Variants in PDE10A observed in about 807,000 individuals in gnomAD.
PDE10A encodes cAMP and cAMP-inhibited cGMP 3',5'-cyclic phosphodiesterase 10A.
In PDE10A, 39 loss-of-function variants were observed where a neutral mutation model predicts 97.7. That is an observed-to-expected ratio of 0.40 (90% CI 0.31 to 0.52). The LOEUF is 0.52. PDE10A is among the 20% of genes least tolerant of loss of function. PDE10A has a pLI of 0.56. For synonymous variants in PDE10A, 371 were observed against 376.8 expected (o/e 0.98, Z 0.18); for missense variants, 731 against 1,047.8 (o/e 0.70, Z 4.17).
intron 20 of PDE10A, among the ~76,000 whole-genome samples, chr6:165,336,904 G>A (rs1453244691): frequency 2.6e-5 from 4 of 151,592 alleles, no homozygotes; most frequent in African/African-American, 4.9e-5. Context: ...ACACTTCAAC[G>A]TAAAGCCTGC....
At chr6:165,496,742 T>C (rs1780558810) in intron 2 of PDE10A, among the ~76,000 whole-genome samples, 1 of 152,236 alleles carries the variant, frequency 6.6e-6, no homozygotes, top group Non-Finnish European at 1.5e-5. Context: ...CAGATAATAA[T>C]ATTTTGCATA....
chr6:165,806,719 T>C (rs534816070), intron 1 of PDE10A, among the ~76,000 whole-genome samples: 1 of 151,672 alleles, frequency 6.6e-6, no homozygotes, highest in South Asian at 2.1e-4. Context: ...CTTGCTCCCC[T>C]AATCTCTCAA....
At chr6:165,927,031 TAC>T (rs1782955690) in intron 1 of PDE10A, among the ~76,000 whole-genome samples, 1 of 119,356 alleles carries the variant, frequency 8.4e-6, no homozygotes, top group South Asian at 2.7e-4. Flanking sequence ...GAACAATGAA[TAC>T]ACATGGACAC....
At chr6:165,921,460 A>G (rs970131985) in intron 1 of PDE10A, among the ~76,000 whole-genome samples, 1 of 152,262 alleles carries the variant, frequency 6.6e-6, no homozygotes, top group Non-Finnish European at 1.5e-5. Context: ...AAACAATGAC[A>G]TCATAAATTT....
chr6:165,822,300 A>C (rs2323024), intron 1 of PDE10A, among the ~76,000 whole-genome samples: 536 of 128,634 alleles, frequency 4.2e-3, no homozygotes, highest in Middle Eastern at 0.011. Flanking sequence ...GCACAGCCCA[A>C]CACACACCTG....
chr6:165,609,221 C>A, intron 1 of PDE10A, among the ~76,000 whole-genome samples: 1 of 152,124 alleles, frequency 6.6e-6, no homozygotes, highest in East Asian at 1.9e-4. Flanking sequence ...AGGTTCTAAA[C>A]GCAATCCAGC....
At chr6:165,901,105 C>A (rs1036544958) in intron 1 of PDE10A, among the ~76,000 whole-genome samples, 1 of 152,218 alleles carries the variant, frequency 6.6e-6, no homozygotes, top group Non-Finnish European at 1.5e-5. Context: ...AATTCTCCAC[C>A]AACAGGCTTT....
intron 1 of PDE10A, among the ~76,000 whole-genome samples, chr6:165,915,610 A>G (rs1414519409): frequency 6.6e-6 from 1 of 152,104 alleles, no homozygotes; most frequent in African/African-American, 2.4e-5. Context: ...CTCTGTTTCC[A>G]GTGATGAGAT....
At chr6:165,826,780 G>A (rs1217135416) in intron 1 of PDE10A, among the ~76,000 whole-genome samples, 3 of 106,930 alleles carry the variant, frequency 2.8e-5, no homozygotes, top group Admixed American at 8.7e-5. Flanking sequence ...CGGTTGGGAG[G>A]GGGGACGCAC....
At chr6:165,681,073 T>C (rs1790962454) in intron 1 of PDE10A, among the ~76,000 whole-genome samples, 1 of 152,214 alleles carries the variant, frequency 6.6e-6, no homozygotes, top group African/African-American at 2.4e-5. Flanking sequence ...AGAAAGTATG[T>C]ATAGGAGACT....
intron 1 of PDE10A, among the ~76,000 whole-genome samples, chr6:165,742,566 G>C (rs1230807432): frequency 1.3e-5 from 2 of 152,074 alleles, no homozygotes; most frequent in Non-Finnish European, 2.9e-5. Context: ...TGGCAGGTGG[G>C]CTCGGGTCAC....
intron 3 of PDE10A, among the ~76,000 whole-genome samples, chr6:165,457,242 CAT>C (rs1210088753): frequency 6.6e-6 from 1 of 152,166 alleles, no homozygotes; most frequent in Non-Finnish European, 1.5e-5. Context: ...TTTTTAACTT[CAT>C]AAAGTCCCTT....
intron 11 of PDE10A, among the ~76,000 whole-genome samples, chr6:165,417,892 C>T (rs220742): frequency 0.24 from 36,314 of 152,038 alleles, 4,953 homozygotes; most frequent in African/African-American, 0.36. Context: ...GAGAACTTTA[C>T]GGTGTTATAC....
At chr6:165,499,610 G>A (rs1227957598) in intron 2 of PDE10A, among the ~76,000 whole-genome samples, 1 of 152,096 alleles carries the variant, frequency 6.6e-6, no homozygotes, top group Non-Finnish European at 1.5e-5. Context: ...AATGATCAAT[G>A]AATATTCATT....
intron 2 of PDE10A, 117 bp from the exon 3 acceptor site, chr6:165,482,460 T>TA (rs112151279): frequency 0.071 from 54,115 of 760,340 alleles, 3,193 homozygotes; most frequent in East Asian, 0.27. Flanking sequence ...TGCTTCCTCT[T>TA]ACGAAATCTA....
chr6:165,826,927 C>G (rs1779776161), intron 1 of PDE10A, among the ~76,000 whole-genome samples: 1 of 151,258 alleles, frequency 6.6e-6, no homozygotes, highest in Non-Finnish European at 1.5e-5. Flanking sequence ...CGGGATGAGC[C>G]CAGGGGGAAG....
intron 2 of PDE10A, among the ~76,000 whole-genome samples, chr6:165,509,048 G>T (rs893966314): frequency 2.6e-5 from 4 of 151,818 alleles, no homozygotes; most frequent in Admixed American, 2.6e-4. Flanking sequence ...AATTACATCT[G>T]GTTTCTTCCA....
At chr6:165,813,811 C>T (rs1779341192) in intron 1 of PDE10A, among the ~76,000 whole-genome samples, 1 of 151,138 alleles carries the variant, frequency 6.6e-6, no homozygotes, top group Non-Finnish European at 1.5e-5. Flanking sequence ...AATAGTCTGA[C>T]CGTCATAGAC....
chr6:165,849,421 C>T lies in PDE10A; in HGVS notation c.-615+138108G>A, dbSNP rs146601110. On this transcript the variant is annotated intron_variant, in intron 1 of 19. Transcript: ENST00000366882. The stretch of plus-strand genomic sequence containing the variant: ...GAGATTACAACTGAAATGTCTAAGA[C>T]GGCCAGGCAAATGTTAACAGTGAGG... Among the ~76,000 whole-genome samples, 38 of 152,316 alleles carry T rather than the reference C, an allele frequency of 2.5e-4. 1 individual carries two copies. Among genetic ancestry groups the T allele is most frequent in the Admixed American group, 3.3e-4 (5 of 15,300 alleles).
Sources: allele counts gnomAD v4.1 joint callset (sites outside exome capture counted in the v4.1 genomes callset), GRCh38; gene constraint gnomAD v4.1.1; transcripts MANE v1.5; gene names NCBI Gene and HGNC (gene_info 2026-07-23, HGNC 2026-07-21).